The following NWD1 variants were observed in gnomAD, a reference collection of about 807,000 sequenced individuals.
The protein encoded by NWD1 is NACHT domain- and WD repeat-containing protein 1.
Under a neutral mutation model 135.1 loss-of-function variants are expected in NWD1, and 129 were observed. That is an observed-to-expected ratio of 0.96 (90% confidence interval 0.83 to 1.11). NWD1 has a LOEUF of 1.11. Ranked by LOEUF, NWD1 falls within the 50% of genes least tolerant of loss-of-function variation. NWD1 has a pLI of 0.00. For synonymous variants in NWD1, 773 were observed against 786.0 expected, an observed-to-expected ratio of 0.98 and a Z score of 0.28; for missense variants, 1,740 against 1,851.3, an observed-to-expected ratio of 0.94 and a Z score of 1.10.
intron 3 of NWD1, among the ~76,000 whole-genome samples, chr19:16,733,648 A>AC (rs2122711883): frequency 6.6e-6 from 1 of 152,310 alleles, no homozygotes; most frequent in Admixed American, 6.5e-5. Context: ...CACTCTGCCC[A>AC]CCATTGATCA....
chr19:16,770,471 C>T (rs980917935), intron 10 of NWD1, among the ~76,000 whole-genome samples: 4 of 152,118 alleles, frequency 2.6e-5, no homozygotes, highest in Non-Finnish European at 2.9e-5. Flanking sequence ...TATAAATTAC[C>T]CAGTTTCAGG....
In NWD1 at chr19:16,812,338, G is replaced by C. The variant is rs544117478; in HGVS notation, c.4288-2690G>C. ...CAAAAAAAAGGCCTGGTTCCTTGGG[G>C]CTGGTTTCCTGGGTGTCTTTCAGTT... On this transcript the variant is annotated intron_variant, in intron 18 of 18. Transcript: ENST00000524140. Among the ~76,000 whole-genome samples the C allele has an allele frequency of 3.3e-5, 5 of 151,216 alleles. No individual in the cohort carries two copies. In the South Asian group the frequency reaches 1.0e-3, roughly 32 times the overall value.
At chr19:16,788,286 A>G (rs916972996) in intron 12 of NWD1, among the ~76,000 whole-genome samples, 5 of 137,622 alleles carry the variant, frequency 3.6e-5, no homozygotes, top group Non-Finnish European at 7.8e-5. Flanking sequence ...ATAATAATAA[A>G]AGGCCAGGCA....
intron 1 of NWD1, among the ~76,000 whole-genome samples, chr19:16,722,660 C>A (rs1441778944): frequency 6.6e-6 from 1 of 151,924 alleles, no homozygotes; most frequent in African/African-American, 2.4e-5. Context: ...AAAGCTGTAG[C>A]TCTTGACCTG....
chr19:16,759,080 C>T, intron 6 of NWD1, 145 bp from the exon 7 acceptor site: 1 of 673,800 alleles, frequency 1.5e-6, no homozygotes, highest in Non-Finnish European at 2.7e-6. Flanking sequence ...TGCTTGGTAC[C>T]TTGTGGGCGC....
chr19:16,736,827 C>T (rs1967840667), intron 4 of NWD1, 77 bp downstream of exon 4: 2 of 873,616 alleles, frequency 2.3e-6, no homozygotes, highest in African/African-American at 3.3e-5. Flanking sequence ...AACTGATCAG[C>T]AGAGGGAAGT....
At chr19:16,756,103 G>C (rs571852089) in intron 6 of NWD1, among the ~76,000 whole-genome samples, 3 of 152,064 alleles carry the variant, frequency 2.0e-5, no homozygotes, top group South Asian at 4.2e-4. Flanking sequence ...AATCATAAAG[G>C]GGGGCTGGGC....
intron 2 of NWD1, among the ~76,000 whole-genome samples, chr19:16,729,405 C>G (rs528612584): frequency 6.6e-6 from 1 of 152,134 alleles, no homozygotes; most frequent in Admixed American, 6.6e-5. Flanking sequence ...GTTCCCTCTT[C>G]TCCTTCTTAT....
rs1968499956 is a variant in NWD1 at position 16,749,974 on chromosome 19, T to A, written c.1332T>A (p.Ser444=). ...TGGATGCTATGGATGACCTGGACTC[T>A]GTCCGCCATGCTCGGAGGGTTCCCT... is the stretch of plus-strand genomic sequence containing the variant. ...LLLDAMDDLD[S]VRHARRVPWL... Residue 444 remains serine (S), a synonymous_variant, in exon 6 of 19, where the codon TCT becomes TCA. Coordinates refer to ENST00000524140, the MANE Select transcript of NWD1 (RefSeq NM_001007525.5). 1.2e-6 allele frequency: 2 copies of A among 1,613,910 alleles called. No individual in the cohort carries two copies. The highest frequency in any genetic ancestry group is 1.7e-6 in the Non-Finnish European group (2 of 1,180,024).
intron 12 of NWD1, among the ~76,000 whole-genome samples, chr19:16,780,325 T>C (rs1395288496): frequency 6.6e-6 from 1 of 151,964 alleles, no homozygotes; most frequent in Non-Finnish European, 1.5e-5. Context: ...CTGGCTAATT[T>C]TTTATATTTT....
At chr19:16,761,165 C>T (rs1386076151) in intron 7 of NWD1, among the ~76,000 whole-genome samples, 3 of 152,154 alleles carry the variant, frequency 2.0e-5, no homozygotes, top group Admixed American at 1.3e-4. Flanking sequence ...GTTCTCAGGG[C>T]TCATCCACAT....
Position 16,792,479 on chromosome 19 carries a change from C to T in NWD1, c.3213+857C>T, listed in dbSNP as rs145282223. Among the ~76,000 whole-genome samples, 448 of 152,164 alleles carry T rather than the reference C, an allele frequency of 2.9e-3. 2 individuals are homozygous for T. Among genetic ancestry groups the T allele is most frequent in the African/African-American group, 0.01 (425 of 41,510 alleles). ...ATCACCTGAGGTTGGGAGTTCGAGA[C>T]CAGCCTGGCCAACATGAAGAAACCT... is the stretch of plus-strand genomic sequence containing the variant. On this transcript the variant is annotated intron_variant, in intron 14 of 18. Transcript: ENST00000524140.
Position 16,773,142 on chromosome 19 carries a change from C to T in NWD1, c.2427C>T (p.Tyr809=). The T allele has an allele frequency of 1.9e-6, 3 of 1,613,894 alleles. No homozygotes were observed. The highest frequency in any genetic ancestry group is 2.5e-6 in the Non-Finnish European group (3 of 1,180,002). The part of the protein sequence containing the change: ...ELRGMERSLL[Y]TELLARLHFF... ...TTGTTGCAGAGAGGAGCCTCCTGTA[C>T]ACAGAACTGCTGGCCAGACTCCATT... Residue 809 remains tyrosine, a synonymous_variant, in exon 11 of 19, where the codon TAC becomes TAT. Coordinates refer to ENST00000524140, the MANE Select transcript of NWD1 (RefSeq NM_001007525.5).
intron 15 of NWD1, among the ~76,000 whole-genome samples, 194 bp downstream of exon 15, chr19:16,794,747 G>A (rs1970364748): frequency 6.6e-6 from 1 of 152,168 alleles, no homozygotes; most frequent in Admixed American, 6.6e-5. Context: ...CTCTGCAGTT[G>A]TGGTACATAA....
intron 11 of NWD1, among the ~76,000 whole-genome samples, chr19:16,777,806 A>G (rs1599514753): frequency 1.8e-5 from 1 of 56,484 alleles, no homozygotes; most frequent in Non-Finnish European, 3.3e-5. Flanking sequence ...GAGGGAAGGG[A>G]AGGGAAGGGG....
chr19:16,764,518 T>A (rs1031191378), intron 9 of NWD1, among the ~76,000 whole-genome samples: 2 of 151,922 alleles, frequency 1.3e-5, no homozygotes, highest in African/African-American at 4.8e-5. Flanking sequence ...TGTCCATCCA[T>A]CCATCCATCA....
intron 15 of NWD1, among the ~76,000 whole-genome samples, chr19:16,797,290 C>T (rs182775852): frequency 6.6e-6 from 1 of 151,710 alleles, no homozygotes; most frequent in Non-Finnish European, 1.5e-5. Context: ...CGTCCTGGAT[C>T]CCTTCTCCTG....
Position 16,730,045 on chromosome 19 carries a change from C to T in NWD1, c.-6-1147C>T, listed in dbSNP as rs149930162. Among the ~76,000 whole-genome samples, 862 of 151,924 alleles carry T rather than the reference C, an allele frequency of 5.7e-3. 9 individuals carry two copies. Among genetic ancestry groups the T allele is most frequent in the African/African-American group, 0.019 (792 of 41,442 alleles). ...GTACTTTTTAAAACTATTTATGGGC[C>T]GGGCGCAGTGGCTCACGCCTGTGAT... On this transcript the variant is annotated intron_variant, in intron 2 of 18. Coordinates refer to ENST00000524140, the MANE Select transcript of NWD1 (RefSeq NM_001007525.5).
chr19:16,803,103 G>C (rs1349808229), intron 17 of NWD1, among the ~76,000 whole-genome samples: 1 of 152,202 alleles, frequency 6.6e-6, no homozygotes, highest in African/African-American at 2.4e-5. Context: ...GCAGGCAAGA[G>C]AGTGTGTGCA....
Sources: allele counts gnomAD v4.1 joint callset (sites outside exome capture counted in the v4.1 genomes callset), GRCh38; gene constraint gnomAD v4.1.1; transcripts MANE v1.5; gene names NCBI Gene and HGNC (gene_info 2026-07-23, HGNC 2026-07-21).